Variants in FALEC observed in about 807,000 individuals in gnomAD.
The protein encoded by FALEC is focally amplified lncRNA regulator of ECM1, also known as focally amplified lncRNA on chromosome 1.
downstream of FALEC, among the ~76,000 whole-genome samples, chr1:150,518,927 G>T (rs780054736): frequency 8.5e-5 from 13 of 152,072 alleles, no homozygotes; most frequent in East Asian, 2.0e-4. Context: ...GTGGTGGCGT[G>T]CCTCTGTAGT....
downstream of FALEC, among the ~76,000 whole-genome samples, chr1:150,520,244 TG>T (rs1670621291): frequency 6.6e-6 from 1 of 152,204 alleles, no homozygotes; most frequent in African/African-American, 2.4e-5. Flanking sequence ...TTCACAATAT[TG>T]TACAACCGTC....
the FALEC span, among the ~76,000 whole-genome samples, chr1:150,528,365 T>C: frequency 6.6e-6 from 1 of 152,160 alleles, no homozygotes; most frequent in African/African-American, 2.4e-5. Flanking sequence ...CTGGGCTTCT[T>C]GAGGAAACAG....
chr1:150,522,894 T>TATAC (rs1337444384), downstream of FALEC, among the ~76,000 whole-genome samples: 6 of 75,992 alleles, frequency 7.9e-5, no homozygotes, highest in African/African-American at 2.8e-4. Flanking sequence ...TATACGTATA[T>TATAC]ATATATATAC....
At chr1:150,529,039 A>AAAAAAAAAAAAAAAAAAAAG in the FALEC span, among the ~76,000 whole-genome samples, 1 of 146,198 alleles carries the variant, frequency 6.8e-6, no homozygotes, top group Non-Finnish European at 1.5e-5. Context: ...AAAAAAAAAA[A>AAAAAAAAAAAAAAAAAAAAG]TCAAAGGATC....
chr1:150,529,026 A>AAAAAAAAAAAAAAAAAAAAAAAAAAAAC, the FALEC span, among the ~76,000 whole-genome samples: 1 of 150,630 alleles, frequency 6.6e-6, no homozygotes, highest in Non-Finnish European at 1.5e-5. Context: ...CAAAAAAAAA[A>AAAAAAAAAAAAAAAAAAAAAAAAAAAAC]AAAAAAAAAA....
chr1:150,530,746 G>A, the FALEC span, among the ~76,000 whole-genome samples: 1,353 of 152,222 alleles, frequency 8.9e-3, 23 homozygotes, highest in African/African-American at 0.03. Flanking sequence ...CGCAACACCC[G>A]CGCCCTTCCT....
At chr1:150,522,981 A>ATTTTTTTTT (rs1560270906), downstream of FALEC, among the ~76,000 whole-genome samples, 1 of 21,446 alleles carries the variant, frequency 4.7e-5, no homozygotes, top group Non-Finnish European at 7.7e-5. Context: ...ATATATATAT[A>ATTTTTTTTT]TATTTTTTTT....
chr1:150,529,063 G>A, the FALEC span, among the ~76,000 whole-genome samples: 1 of 144,792 alleles, frequency 6.9e-6, no homozygotes, highest in Admixed American at 7.0e-5. Context: ...AGCACAGGTG[G>A]AGGGAGAAGC....
chr1:150,526,819 A>G, the FALEC span, among the ~76,000 whole-genome samples: 19,590 of 150,850 alleles, frequency 0.13, 1,307 homozygotes, highest in African/African-American at 0.15. Context: ...TATTTTTAGT[A>G]GAGATGGGGT....
intron 1 of FALEC, chr1:150,517,671 T>G (rs1374580316): frequency 6.6e-6 from 1 of 152,328 alleles, no homozygotes; most frequent in Non-Finnish European, 1.5e-5. Context: ...GGCCCTCACC[T>G]GAGCCTGACC....
chr1:150,527,848 TC>T, the FALEC span, among the ~76,000 whole-genome samples: 3 of 151,972 alleles, frequency 2.0e-5, no homozygotes, highest in African/African-American at 4.8e-5. Flanking sequence ...AGGCTCCATC[TC>T]AAAAAATGTA....
the FALEC span, among the ~76,000 whole-genome samples, chr1:150,528,327 C>G: frequency 6.6e-6 from 1 of 152,120 alleles, no homozygotes; most frequent in Non-Finnish European, 1.5e-5. Flanking sequence ...ATTGTGAAGC[C>G]TCTTAAAAAC....
the FALEC span, among the ~76,000 whole-genome samples, chr1:150,530,644 C>T: frequency 6.6e-6 from 1 of 152,178 alleles, no homozygotes; most frequent in Non-Finnish European, 1.5e-5. Flanking sequence ...CCGTCACAAC[C>T]CAGCAGGCAC....
downstream of FALEC, among the ~76,000 whole-genome samples, chr1:150,522,489 G>A (rs1356999681): frequency 6.6e-6 from 1 of 151,722 alleles, no homozygotes; most frequent in African/African-American, 2.4e-5. Context: ...TGGGCATAGC[G>A]GTGCATGCCT....
chr1:150,516,923 T>C (rs968900421), intron 1 of FALEC, among the ~76,000 whole-genome samples: 1 of 152,154 alleles, frequency 6.6e-6, no homozygotes, highest in Non-Finnish European at 1.5e-5. Flanking sequence ...AGAAATATTC[T>C]CAGAATTCTG....
chr1:150,522,971 A>T (rs372172339), downstream of FALEC, among the ~76,000 whole-genome samples: 489 of 31,526 alleles, frequency 0.016, 78 homozygotes, highest in Non-Finnish European at 0.024. Context: ...ATATATATAT[A>T]TATATATATA....
downstream of FALEC, among the ~76,000 whole-genome samples, chr1:150,518,384 C>CTTTTT (rs1560269472): frequency 7.8e-6 from 1 of 127,896 alleles, no homozygotes. Context: ...CCAAGTCTCT[C>CTTTTT]TCTTTTTTTT....
At chr1:150,521,647 T>C (rs587609714), downstream of FALEC, among the ~76,000 whole-genome samples, 1 of 152,326 alleles carries the variant, frequency 6.6e-6, no homozygotes, top group Non-Finnish European at 1.5e-5. Context: ...ATTCATATTA[T>C]TCCGTTTGGA....
chr1:150,533,104 C>T, the FALEC span, among the ~76,000 whole-genome samples: 4 of 152,352 alleles, frequency 2.6e-5, no homozygotes, highest in Non-Finnish European at 5.9e-5. Flanking sequence ...TCACGCCTGG[C>T]CAGGCATGAA....
Sources: allele counts gnomAD v4.1 joint callset (sites outside exome capture counted in the v4.1 genomes callset), GRCh38; gene constraint gnomAD v4.1.1; transcripts MANE v1.5; gene names NCBI Gene and HGNC (gene_info 2026-07-23, HGNC 2026-07-21).